Variants in TAPT1 observed in about 807,000 individuals in gnomAD.
TAPT1 encodes transmembrane anterior posterior transformation 1.
A neutral mutation model predicts 65.6 loss-of-function variants in TAPT1; 28 were observed. That is an observed-to-expected ratio of 0.43 (90% confidence interval 0.32 to 0.59). TAPT1 has a LOEUF of 0.59. Ranked by LOEUF, TAPT1 falls within the 20% of genes least tolerant of loss-of-function variation. TAPT1 has a pLI of 0.09. For synonymous variants in TAPT1, 278 were observed against 245.2 expected (o/e 1.13, Z -1.25); for missense variants, 563 against 679.9 (o/e 0.83, Z 1.91).
At position 16,219,505 on chromosome 4, in the gene TAPT1, C is replaced by T. The variant is rs1036824574; in HGVS notation, c.200-5607G>A. ...AAGGGTAAACTTTGCGTACAATTAG[C>T]GCGATGCTAATAGGCTGGGGAATGG... On this transcript the variant is annotated intron_variant, in intron 1 of 13. Transcript: ENST00000405303. Among the ~76,000 whole-genome samples the T allele has an allele frequency of 3.3e-5, 5 of 152,122 alleles. No individual in the cohort carries two copies. In the East Asian group the frequency reaches 7.7e-4, roughly 23 times the overall value.
chr4:16,227,299 G>A (rs998590012), upstream of TAPT1: 5 of 455,978 alleles, frequency 1.1e-5, no homozygotes, highest in South Asian at 1.5e-5. Context: ...GGCCACCACT[G>A]TGTCCTTACT....
chr4:16,206,422 G>T (rs1441610349), intron 2 of TAPT1, among the ~76,000 whole-genome samples: 1 of 152,156 alleles, frequency 6.6e-6, no homozygotes, highest in Non-Finnish European at 1.5e-5. Context: ...TTGGTATTTT[G>T]CTTGCTACAG....
chr4:16,212,551 T>C (rs1323624110), intron 2 of TAPT1, among the ~76,000 whole-genome samples: 1 of 152,244 alleles, frequency 6.6e-6, no homozygotes, highest in Non-Finnish European at 1.5e-5. Context: ...GACAGAGCTG[T>C]TGCTGCGCTG....
At chr4:16,210,577 G>C (rs1750595522) in intron 2 of TAPT1, among the ~76,000 whole-genome samples, 1 of 152,144 alleles carries the variant, frequency 6.6e-6, no homozygotes, top group African/African-American at 2.4e-5. Context: ...AGACAACTTA[G>C]GCAGAGAATG....
chr4:16,166,482 A>G (rs956004262), intron 13 of TAPT1, 151 bp downstream of exon 13: 44 of 886,338 alleles, frequency 5.0e-5, no homozygotes, highest in Non-Finnish European at 7.0e-5. Context: ...GGCCAGGTAT[A>G]TATGGGATGA....
At position 16,188,208 on chromosome 4, in the gene TAPT1, C is replaced by T; in HGVS notation, c.748+12G>A. The stretch of plus-strand genomic sequence containing the variant: ...TAACTGTCGGAAATTTCCAGTAGGT[C>T]TATAAGGATACAGACATAGAGAACA... On this transcript the variant is annotated intron_variant, in intron 5 of 13. Transcript: ENST00000405303. 6.3e-7 allele frequency: 1 copy of T among 1,590,016 alleles called. No individual in the cohort carries two copies.
At chr4:16,206,586 C>T (rs1461751151) in intron 2 of TAPT1, among the ~76,000 whole-genome samples, 1 of 151,882 alleles carries the variant, frequency 6.6e-6, no homozygotes, top group Non-Finnish European at 1.5e-5. Flanking sequence ...CACCTTCTAT[C>T]TAGGATGAGA....
At chr4:16,214,245 T>C (rs542036877) in intron 1 of TAPT1, among the ~76,000 whole-genome samples, 1 of 152,216 alleles carries the variant, frequency 6.6e-6, no homozygotes, top group South Asian at 2.1e-4. Context: ...CAAGAATATA[T>C]AAAATAGAGC....
At chr4:16,176,765 G>A (rs1490988794) in intron 8 of TAPT1, 1 of 152,186 alleles carries the variant, frequency 6.6e-6, no homozygotes, top group East Asian at 1.9e-4. Context: ...TTTACATGTG[G>A]GCTCCAGTGG....
At chr4:16,179,471 CAA>C (rs1220964493) in intron 8 of TAPT1, 104 bp downstream of exon 8, 3 of 654,416 alleles carry the variant, frequency 4.6e-6, no homozygotes, top group East Asian at 6.4e-5. Flanking sequence ...GTAAAACAGC[CAA>C]AGTCTTTTGG....
At chr4:16,191,289 G>A (rs1304752941) in intron 4 of TAPT1, 72 bp downstream of exon 4, 2 of 1,455,612 alleles carry the variant, frequency 1.4e-6, no homozygotes, top group African/African-American at 2.8e-5. Context: ...TTGACTCTCA[G>A]GTACCTTCAG....
chr4:16,226,374 C>T lies in TAPT1; in HGVS notation c.84G>A (p.Glu28=). Residue 28 remains glutamate (E), a synonymous_variant, in exon 1 of 14, where the codon GAG becomes GAA. Coordinates refer to ENST00000405303, the MANE Select transcript of TAPT1 (RefSeq NM_153365.3). ...CGCCGCTGCCGCCCGGCTGCTCCGC[C>T]TCGCCGCGGCCGTCCCGCTGCGGGC... The part of the protein sequence containing the change: ...VDGPQRDGRG[E]AEQPGGSGGQ... The T allele has an allele frequency of 9.0e-7, 1 of 1,107,166 alleles. No homozygotes were observed. Among genetic ancestry groups the T allele is most frequent in the Non-Finnish European group, 1.1e-6 (1 of 909,250 alleles). The allele number at this position is 1,107,166 out of a possible 1,614,324, so 68.6% of individuals were successfully genotyped here. A position where few individuals can be genotyped will look rare whatever the true frequency, so the allele number is the denominator to read the frequency against.
chr4:16,168,913 G>A (rs1747813293), intron 12 of TAPT1, among the ~76,000 whole-genome samples: 1 of 152,264 alleles, frequency 6.6e-6, no homozygotes, highest in Non-Finnish European at 1.5e-5. Flanking sequence ...GCAAGAGTGA[G>A]TCTGGAGGGA....
intron 3 of TAPT1, among the ~76,000 whole-genome samples, chr4:16,195,087 T>TA (rs1196612956): frequency 6.6e-6 from 1 of 152,084 alleles, no homozygotes; most frequent in Non-Finnish European, 1.5e-5. Flanking sequence ...GCTGCCAAAA[T>TA]AAAAAATTGT....
intron 1 of TAPT1, among the ~76,000 whole-genome samples, chr4:16,219,424 G>C (rs73234660): frequency 0.073 from 11,071 of 152,246 alleles, 578 homozygotes; most frequent in Middle Eastern, 0.14. Context: ...TCTAAGAGCA[G>C]GCCCCATGTA....
At chr4:16,221,255 A>T (rs1414913823) in intron 1 of TAPT1, among the ~76,000 whole-genome samples, 1 of 151,824 alleles carries the variant, frequency 6.6e-6, no homozygotes, top group Non-Finnish European at 1.5e-5. Flanking sequence ...GCCTCCAAGT[A>T]GCTGGGATTA....
chr4:16,219,104 T>C (rs1751107053), intron 1 of TAPT1, among the ~76,000 whole-genome samples: 1 of 152,166 alleles, frequency 6.6e-6, no homozygotes, highest in South Asian at 2.1e-4. Context: ...GGTTCTACTG[T>C]TATGCCCATT....
At chr4:16,184,590 G>A (rs995663023) in intron 7 of TAPT1, among the ~76,000 whole-genome samples, 1 of 152,150 alleles carries the variant, frequency 6.6e-6, no homozygotes, top group Non-Finnish European at 1.5e-5. Context: ...TCACGCCATC[G>A]ATGCCTGAGT....
intron 11 of TAPT1, among the ~76,000 whole-genome samples, chr4:16,171,211 C>G (rs555035118): frequency 2.0e-5 from 3 of 152,114 alleles, no homozygotes; most frequent in African/African-American, 7.2e-5. Context: ...TTTTATGAAC[C>G]CCCAGTAACT....
Sources: gnomAD v4.1 joint callset for allele counts (sites outside exome capture counted in the v4.1 genomes callset) on GRCh38, gnomAD v4.1.1 for gene constraint, MANE v1.5 for transcripts, NCBI Gene and HGNC (gene_info 2026-07-23, HGNC 2026-07-21) for gene names.